The following C13orf42 variants were observed in gnomAD, a reference collection of about 807,000 sequenced individuals.
The protein encoded by C13orf42 is chromosome 13 open reading frame 42.
chr13:51,114,882 G>A (rs1025850403), upstream of C13orf42, among the ~76,000 whole-genome samples: 3 of 152,186 alleles, frequency 2.0e-5, no homozygotes, highest in African/African-American at 7.2e-5. Flanking sequence ...TAGGTTTTAG[G>A]TGTTCTTGTC....
Position 51,083,901 on chromosome 13 carries a change from C to A in C13orf42, c.*250G>T, listed in dbSNP as rs773888937. 7 of 321,192 alleles carry A rather than the reference C, an allele frequency of 2.2e-5. No homozygotes were observed. Among genetic ancestry groups the A allele is most frequent in the Non-Finnish European group, 3.9e-5 (7 of 177,380 alleles). 19.9% of individuals were successfully genotyped at this position (321,192 alleles called of 1,614,324 possible). A position where few individuals can be genotyped will look rare whatever the true frequency, so the allele number is the denominator to read the frequency against. On this transcript the variant is annotated 3_prime_UTR_variant, in exon 4 of 4. Coordinates refer to ENST00000563710, the MANE Select transcript of C13orf42 (RefSeq NM_001351589.3). ...CTTCCATTCCTTCAGCTCTTGAAGACCAGCCAGGCTGTAAGTCCCTGGTCA... is the reference window on the plus strand; with the variant it reads ...CTTCCATTCCTTCAGCTCTTGAAGAACAGCCAGGCTGTAAGTCCCTGGTCA...
chr13:51,162,224 T>C (rs138431761), intron 1 of C13orf42: 27 of 198,020 alleles, frequency 1.4e-4, no homozygotes, highest in Middle Eastern at 2.2e-3. Flanking sequence ...ATTTTTATCC[T>C]GTACCACTAA....
chr13:51,115,776 G>A (rs1054354552), upstream of C13orf42, among the ~76,000 whole-genome samples: 2 of 152,194 alleles, frequency 1.3e-5, no homozygotes, highest in African/African-American at 4.8e-5. Flanking sequence ...TACAAAGTTC[G>A]ACAACGTGTA....
chr13:51,091,413 G>A (rs907727476), intron 1 of C13orf42, among the ~76,000 whole-genome samples: 2 of 152,074 alleles, frequency 1.3e-5, no homozygotes, highest in Admixed American at 1.3e-4. Flanking sequence ...ATCCTTCATG[G>A]GATAAGGCAG....
intron 1 of C13orf42, among the ~76,000 whole-genome samples, chr13:51,137,605 A>C (rs1462768278): frequency 3.3e-5 from 5 of 152,150 alleles, no homozygotes; most frequent in African/African-American, 1.2e-4. Context: ...CAGCCAACCA[A>C]GCACAACAGA....
intron 1 of C13orf42, among the ~76,000 whole-genome samples, chr13:51,102,099 T>C (rs1953299306): frequency 6.6e-6 from 1 of 152,148 alleles, no homozygotes; most frequent in South Asian, 2.1e-4. Flanking sequence ...AATAGGAAAT[T>C]TTTTGCAGTT....
intron 1 of C13orf42, among the ~76,000 whole-genome samples, chr13:51,140,444 G>T (rs967561815): frequency 2.6e-5 from 4 of 152,084 alleles, no homozygotes; most frequent in Non-Finnish European, 4.4e-5. Context: ...TGAATTTTCG[G>T]GGTTCATATT....
At chr13:51,159,369 G>A (rs1953847198) in intron 1 of C13orf42, among the ~76,000 whole-genome samples, 1 of 152,158 alleles carries the variant, frequency 6.6e-6, no homozygotes. Context: ...AACAGTGTGG[G>A]GGATAGAATG....
At chr13:51,096,878 T>C (rs1327559555) in intron 1 of C13orf42, among the ~76,000 whole-genome samples, 1 of 152,246 alleles carries the variant, frequency 6.6e-6, no homozygotes, top group Non-Finnish European at 1.5e-5. Flanking sequence ...ATAACAAACA[T>C]TCAAGAGAGG....
intron 1 of C13orf42, among the ~76,000 whole-genome samples, chr13:51,135,830 A>G (rs535813292): frequency 7.6e-4 from 116 of 152,118 alleles, no homozygotes; most frequent in Non-Finnish European, 8.8e-4. Context: ...AGTTCCTCTC[A>G]CTTCTTTCAT....
rs75357332 is a variant in C13orf42, at chr13:51,158,236, C to T, written n.136+14017G>A. Among the ~76,000 whole-genome samples, 852 of 152,256 alleles carry T rather than the reference C, an allele frequency of 5.6e-3. 12 individuals are homozygous for T. In the East Asian group the frequency reaches 0.07, roughly 13 times the overall value. On this transcript the variant is annotated intron_variant and non_coding_transcript_variant, in intron 1 of 4. Coordinates refer to the C13orf42 transcript ENST00000433280. ...GATTCCAGAACCTACAGTTCTCAGC[C>T]ACTATGCTATGCATGGATGAGGGGT...
chr13:51,160,182 C>T (rs1487859244), intron 1 of C13orf42, among the ~76,000 whole-genome samples: 1 of 152,172 alleles, frequency 6.6e-6, no homozygotes, highest in Admixed American at 6.5e-5. Flanking sequence ...CATTAAGGGT[C>T]ACACAGTGTG....
intron 1 of C13orf42, among the ~76,000 whole-genome samples, chr13:51,122,937 G>A (rs985822692): frequency 6.6e-6 from 1 of 152,206 alleles, no homozygotes; most frequent in Non-Finnish European, 1.5e-5. Flanking sequence ...GGCGGGGGCA[G>A]TGCATGCTGA....
chr13:51,153,517 G>A (rs1953797861), intron 1 of C13orf42, among the ~76,000 whole-genome samples: 1 of 150,736 alleles, frequency 6.6e-6, no homozygotes, highest in Non-Finnish European at 1.5e-5. Flanking sequence ...AAAAATTGTA[G>A]TAAAAATTAT....
At chr13:51,137,061 CTGTGTGTG>C (rs1339691576) in intron 1 of C13orf42, among the ~76,000 whole-genome samples, 1 of 152,010 alleles carries the variant, frequency 6.6e-6, no homozygotes, top group Non-Finnish European at 1.5e-5. Context: ...GGAAGAGGAG[CTGTGTGTG>C]TTTGTGTGTT....
chr13:51,152,998 G>A (rs1029765105), intron 1 of C13orf42, among the ~76,000 whole-genome samples: 13 of 152,186 alleles, frequency 8.5e-5, no homozygotes, highest in Non-Finnish European at 5.9e-5. Flanking sequence ...ACCAGGGCTG[G>A]CTTCTTGGGG....
intron 1 of C13orf42, among the ~76,000 whole-genome samples, chr13:51,171,732 G>A (rs1319731231): frequency 6.6e-6 from 1 of 152,108 alleles, no homozygotes; most frequent in South Asian, 2.1e-4. Flanking sequence ...GCATAGTCAA[G>A]GTTAATGCTC....
At chr13:51,171,680 C>T (rs1008174455) in intron 1 of C13orf42, among the ~76,000 whole-genome samples, 2 of 152,270 alleles carry the variant, frequency 1.3e-5, no homozygotes, top group Non-Finnish European at 2.9e-5. Flanking sequence ...CCTCCCCCAC[C>T]TGCCCAGCAA....
rs571581187 is a variant in C13orf42, at chr13:51,157,179, A to T, written n.136+15074T>A. Among the ~76,000 whole-genome samples, 11 of 152,200 alleles carry T rather than the reference A, an allele frequency of 7.2e-5. No individual in the cohort carries two copies. In the South Asian group the frequency reaches 2.3e-3, roughly 32 times the overall value. On this transcript the variant is annotated intron_variant and non_coding_transcript_variant, in intron 1 of 4. Coordinates refer to the C13orf42 transcript ENST00000433280. ...CCAGGAGCGGTGGCTGCCGCCTGTA[A>T]TCCCAGCACTTTGGGAGGCCGAGGC...
Sources: gnomAD v4.1 joint callset for allele counts (sites outside exome capture counted in the v4.1 genomes callset) on GRCh38, gnomAD v4.1.1 for gene constraint, MANE v1.5 for transcripts, NCBI Gene and HGNC (gene_info 2026-07-23, HGNC 2026-07-21) for gene names.